Variants in METTL16 observed in about 807,000 individuals in gnomAD.
METTL16 encodes RNA N(6)-adenosine-methyltransferase METTL16.
A neutral mutation model predicts 57.9 loss-of-function variants in METTL16; 19 were observed. The observed-to-expected ratio is 0.33, with a 90% CI of 0.23 to 0.48. METTL16 has a LOEUF of 0.48. METTL16 is among the 20% of genes least tolerant of loss of function. The probability of loss-of-function intolerance (pLI) is 0.99; values close to 1 mark genes in which losing one functional copy is unlikely to be tolerated. For synonymous variants in METTL16, 246 were observed against 255.6 expected, an observed-to-expected ratio of 0.96 and a Z score of 0.36; for missense variants, 434 against 691.5, an observed-to-expected ratio of 0.63 and a Z score of 4.18.
At chr17:2,492,402 T>C (rs748814324) in intron 2 of METTL16, among the ~76,000 whole-genome samples, 1 of 151,878 alleles carries the variant, frequency 6.6e-6, no homozygotes, top group African/African-American at 2.4e-5. Context: ...GGGAGAAAAA[T>C]AAGATATCAG....
In METTL16 at chr17:2,418,954, A is replaced by G. The variant is rs1248890477; in HGVS notation, c.*1016T>C. ...CCAATTAGAAACGTGTTTCAAGGAC[A>G]CAGTTACTCCGGCCTCAGAACTCTC... On this transcript the variant is annotated 3_prime_UTR_variant, in exon 10 of 10. Coordinates refer to ENST00000263092, the MANE Select transcript of METTL16 (RefSeq NM_024086.4). 1 of 152,242 alleles carries G rather than the reference A, an allele frequency of 6.6e-6. No homozygotes were observed. The highest frequency in any genetic ancestry group is 6.5e-5 in the Admixed American group (1 of 15,276). The allele number at this position is 152,242 out of a possible 1,614,324, so 9.4% of individuals were successfully genotyped here.
intron 6 of METTL16, among the ~76,000 whole-genome samples, chr17:2,458,121 C>T (rs1028640798): frequency 1.3e-4 from 20 of 152,284 alleles, no homozygotes; most frequent in African/African-American, 3.6e-4. Flanking sequence ...CTCAACTGAT[C>T]GTCCTACCTC....
intron 6 of METTL16, among the ~76,000 whole-genome samples, chr17:2,441,807 G>A (rs543134985): frequency 6.6e-6 from 1 of 152,218 alleles, no homozygotes; most frequent in South Asian, 2.1e-4. Flanking sequence ...ATGCTTCAGG[G>A]CTATGTATTA....
intron 7 of METTL16, among the ~76,000 whole-genome samples, chr17:2,438,752 C>T (rs1205108753): frequency 6.6e-6 from 1 of 152,214 alleles, no homozygotes; most frequent in Non-Finnish European, 1.5e-5. Flanking sequence ...CCTCGGCCTC[C>T]CAAAGTGCTG....
At chr17:2,465,678 C>G (rs924838307) in intron 5 of METTL16, among the ~76,000 whole-genome samples, 1 of 151,016 alleles carries the variant, frequency 6.6e-6, no homozygotes, top group African/African-American at 2.4e-5. Context: ...GCCTGGCCAA[C>G]ATGGTAAAAC....
intron 7 of METTL16, 25 bp downstream of exon 7, chr17:2,441,465 G>T: frequency 1.3e-6 from 2 of 1,535,142 alleles, no homozygotes; most frequent in Non-Finnish European, 1.8e-6. Context: ...GTAGCTACAC[G>T]AGAACAGTAA....
chr17:2,494,806 T>C (rs2067429178), intron 2 of METTL16, among the ~76,000 whole-genome samples: 1 of 151,930 alleles, frequency 6.6e-6, no homozygotes. Flanking sequence ...GAGACCATCC[T>C]GGCCAACATG....
intron 5 of METTL16, among the ~76,000 whole-genome samples, 156 bp downstream of exon 5, chr17:2,467,604 CT>C: frequency 6.6e-6 from 1 of 152,056 alleles, no homozygotes; most frequent in Non-Finnish European, 1.5e-5. Flanking sequence ...TTTTTTGTAT[CT>C]TTAGTAGAGA....
rs369190048 is a variant in METTL16, at chr17:2,456,614, A to G, written c.728+7594T>C. Among the ~76,000 whole-genome samples, 430 of 152,186 alleles carry G rather than the reference A, an allele frequency of 2.8e-3. 5 individuals are homozygous for G. The highest frequency in any genetic ancestry group is 9.2e-3 in the African/African-American group (380 of 41,516). On this transcript the variant is annotated intron_variant, in intron 6 of 9. Coordinates refer to ENST00000263092, the MANE Select transcript of METTL16 (RefSeq NM_024086.4). ...CTCAGCCTCACAAGTAGCTGGGACT[A>G]TAGGAACATGCCACCACACACCAGG...
chr17:2,492,915 A>AAC (rs1250855307), intron 2 of METTL16, among the ~76,000 whole-genome samples: 1 of 116,584 alleles, frequency 8.6e-6, no homozygotes, highest in African/African-American at 2.7e-5. Flanking sequence ...AAAAAAAAAA[A>AAC]ACAACAAAAA....
intron 5 of METTL16, among the ~76,000 whole-genome samples, chr17:2,466,133 C>T (rs2067193526): frequency 1.4e-5 from 2 of 146,916 alleles, no homozygotes; most frequent in Admixed American, 1.4e-4. Context: ...GTGGAGGTTG[C>T]AGTGAGCTGA....
At position 2,419,697 on chromosome 17, in the gene METTL16, G is replaced by C. The variant is rs1195284832; in HGVS notation, c.*273C>G. ...GTCCAGAGCTGAGGGGCCAGCTTGA[G>C]CCAGCTTGCAATCCCTCGGGAGTTT... On this transcript the variant is annotated 3_prime_UTR_variant, in exon 10 of 10. Coordinates refer to ENST00000263092, the MANE Select transcript of METTL16 (RefSeq NM_024086.4). 3.2e-6 allele frequency: 2 copies of C among 620,046 alleles called. No homozygotes were observed. Among genetic ancestry groups the C allele is most frequent in the Admixed American group, 4.2e-5 (2 of 47,380 alleles). The allele number at this position is 620,046 out of a possible 1,614,324, so 38.4% of individuals were successfully genotyped here.
chr17:2,453,830 T>C (rs1001988959), intron 6 of METTL16, among the ~76,000 whole-genome samples: 3 of 152,170 alleles, frequency 2.0e-5, no homozygotes, highest in African/African-American at 4.8e-5. Context: ...TCAGAAACTA[T>C]TGAAGACTGG....
chr17:2,489,743 A>AAAAAAAAAAC (rs1418577644), intron 2 of METTL16, among the ~76,000 whole-genome samples: 10 of 150,366 alleles, frequency 6.7e-5, no homozygotes, highest in Non-Finnish European at 1.5e-4. Context: ...AAAAAAAAAA[A>AAAAAAAAAAC]AAAAAACGAA....
rs140969508 is a variant in METTL16 at position 2,442,940 on chromosome 17, G to A, written c.729-1381C>T. Among the ~76,000 whole-genome samples, 172 of 151,524 alleles carry A rather than the reference G, an allele frequency of 1.1e-3. 1 individual carries two copies. Among genetic ancestry groups the A allele is most frequent in the African/African-American group, 3.9e-3 (159 of 41,230 alleles). On this transcript the variant is annotated intron_variant, in intron 6 of 9. Transcript: ENST00000263092. ...CCTTCCGGGTTGAGGTAATTCTCCCGCCTCAGCCTCGCAAGTAGCTGGGAT... is the reference window on the plus strand; with the variant it reads ...CCTTCCGGGTTGAGGTAATTCTCCCACCTCAGCCTCGCAAGTAGCTGGGAT...
At chr17:2,451,284 G>A (rs2067067544) in intron 6 of METTL16, among the ~76,000 whole-genome samples, 1 of 152,078 alleles carries the variant, frequency 6.6e-6, no homozygotes, top group Non-Finnish European at 1.5e-5. Context: ...AATTTCATTT[G>A]GTGGTTTAAA....
rs148024415 is a variant in METTL16 at position 2,437,585 on chromosome 17, T to C, written c.888+524A>G. 3.1e-4 allele frequency among the ~76,000 whole-genome samples: 47 copies of C among 152,342 alleles called. No homozygotes were observed. The East Asian group carries it at 8.3e-3, about 27-fold the overall frequency. ...TAATATTTTTGAGACAGAGTCTTGC[T>C]CTGTGGCCCAGGCTGGAGTGCAGTG... On this transcript the variant is annotated intron_variant, in intron 8 of 9. Transcript: ENST00000263092.
chr17:2,494,084 T>G (rs549918786), intron 2 of METTL16, among the ~76,000 whole-genome samples: 3 of 152,230 alleles, frequency 2.0e-5, no homozygotes, highest in African/African-American at 7.2e-5. Context: ...CTCGCTCTGT[T>G]GCCCTGGCTG....
intron 2 of METTL16, among the ~76,000 whole-genome samples, chr17:2,499,839 C>T (rs957501046): frequency 2.0e-5 from 3 of 152,030 alleles, no homozygotes; most frequent in African/African-American, 7.2e-5. Flanking sequence ...CTAAAACCTC[C>T]GCCTCCCCAG....
Sources: gnomAD v4.1 joint callset for allele counts (sites outside exome capture counted in the v4.1 genomes callset) on GRCh38, gnomAD v4.1.1 for gene constraint, MANE v1.5 for transcripts, NCBI Gene and HGNC (gene_info 2026-07-23, HGNC 2026-07-21) for gene names.